Variants in GPHN observed in about 807,000 individuals in gnomAD.
GPHN encodes gephyrin.
Under a neutral mutation model 95.5 loss-of-function variants are expected in GPHN, and 17 were observed. The ratio of observed to expected loss-of-function variants is 0.18; its 90% CI spans 0.12 to 0.27. GPHN has a LOEUF of 0.27. Ranked by LOEUF, GPHN falls within the 10% of genes least tolerant of loss-of-function variation. The pLI is 1.00. For synonymous variants in GPHN, 320 were observed against 322.5 expected, an observed-to-expected ratio of 0.99 and a Z score of 0.08; for missense variants, 660 against 978.1, an observed-to-expected ratio of 0.67 and a Z score of 4.34.
chr14:67,500,447 T>A, the GPHN span, among the ~76,000 whole-genome samples: 8 of 152,030 alleles, frequency 5.3e-5, no homozygotes, highest in African/African-American at 1.9e-4. Flanking sequence ...TGCACTCCAA[T>A]CAGGGCAACA....
intron 1 of GPHN, among the ~76,000 whole-genome samples, chr14:66,530,843 C>A (rs1000109889): frequency 6.6e-6 from 1 of 152,068 alleles, no homozygotes; most frequent in African/African-American, 2.4e-5. Context: ...TGGAAACACA[C>A]AAATCACCTG....
intron 5 of GPHN, among the ~76,000 whole-genome samples, chr14:66,906,871 G>A (rs1225092320): frequency 3.3e-5 from 5 of 152,032 alleles, no homozygotes; most frequent in African/African-American, 4.8e-5. Context: ...AATTTGTTTA[G>A]GTTTATTTTT....
At chr14:66,783,733 A>C (rs956894343) in intron 3 of GPHN, among the ~76,000 whole-genome samples, 5 of 152,146 alleles carry the variant, frequency 3.3e-5, no homozygotes, top group Non-Finnish European at 2.9e-5. Flanking sequence ...GGTAATGTCA[A>C]CTTTCACCAG....
chr14:66,652,658 G>A (rs187858022), intron 1 of GPHN, among the ~76,000 whole-genome samples: 2 of 152,118 alleles, frequency 1.3e-5, no homozygotes, highest in East Asian at 3.9e-4. Context: ...ATCCTTTATA[G>A]TGTAACATTC....
intron 8 of GPHN, among the ~76,000 whole-genome samples, chr14:66,930,139 A>G (rs570652835): frequency 2.6e-5 from 4 of 152,158 alleles, no homozygotes; most frequent in African/African-American, 7.2e-5. Flanking sequence ...ATTCAGTGTT[A>G]TTATTGATAA....
At chr14:67,359,526 CAAGAA>C in the GPHN span, 1 of 1,034,404 alleles carries the variant, frequency 9.7e-7, no homozygotes, top group Non-Finnish European at 1.4e-6. Flanking sequence ...GCCCTAGACT[CAAGAA>C]AAGAACCTGG....
the GPHN span, chr14:67,587,722 A>AT: frequency 6.1e-6 from 1 of 164,538 alleles, no homozygotes; most frequent in Admixed American, 6.0e-5. Flanking sequence ...TAATTTTTGT[A>AT]TTTTTAGTAG....
At chr14:67,036,476 GA>G (rs1387982390) in intron 10 of GPHN, among the ~76,000 whole-genome samples, 1 of 125,150 alleles carries the variant, frequency 8.0e-6, no homozygotes, top group Non-Finnish European at 1.6e-5. Context: ...AGAAAACTCT[GA>G]AAATTCCACT....
chr14:66,571,405 T>C (rs1160595062), intron 1 of GPHN, among the ~76,000 whole-genome samples: 1 of 152,144 alleles, frequency 6.6e-6, no homozygotes, highest in Non-Finnish European at 1.5e-5. Flanking sequence ...CATTATCATA[T>C]GGTTTGCAAT....
chr14:67,440,479 G>A, the GPHN span, among the ~76,000 whole-genome samples: 2 of 151,978 alleles, frequency 1.3e-5, no homozygotes, highest in African/African-American at 2.4e-5. Context: ...AAGCCACTCC[G>A]GACTGGGCGC....
chr14:66,833,298 A>C (rs908967114), intron 4 of GPHN, among the ~76,000 whole-genome samples: 3 of 152,160 alleles, frequency 2.0e-5, no homozygotes, highest in African/African-American at 4.8e-5. Flanking sequence ...GCCCCTTATA[A>C]AAACATCAGA....
chr14:67,154,651 T>C (rs1440558830), intron 18 of GPHN, among the ~76,000 whole-genome samples: 3 of 151,970 alleles, frequency 2.0e-5, no homozygotes, highest in African/African-American at 7.2e-5. Flanking sequence ...TTTCCTGTTC[T>C]CAAGAACTTT....
intron 9 of GPHN, among the ~76,000 whole-genome samples, chr14:66,974,622 T>G (rs1357992556): frequency 1.3e-5 from 2 of 152,152 alleles, no homozygotes; most frequent in African/African-American, 4.8e-5. Context: ...GTATAGTTTC[T>G]GTATAGTTTC....
chr14:67,395,653 C>T, the GPHN span: 27 of 1,369,694 alleles, frequency 2.0e-5, no homozygotes, highest in Admixed American at 5.5e-5. Context: ...GCAAAAATGA[C>T]GGGGCCCCGG....
chr14:66,972,065 C>T (rs1401179460), intron 9 of GPHN, among the ~76,000 whole-genome samples: 1 of 151,452 alleles, frequency 6.6e-6, no homozygotes, highest in Non-Finnish European at 1.5e-5. Flanking sequence ...GTCAGGAGTT[C>T]GAGACCAGCC....
chr14:66,598,797 C>T (rs958226684), intron 1 of GPHN, among the ~76,000 whole-genome samples: 2 of 150,862 alleles, frequency 1.3e-5, no homozygotes, highest in Non-Finnish European at 2.9e-5. Context: ...GAGATCAGCG[C>T]CACTGCACTC....
intron 3 of GPHN, among the ~76,000 whole-genome samples, chr14:66,793,069 A>T (rs1448876462): frequency 6.6e-6 from 1 of 152,256 alleles, no homozygotes; most frequent in Non-Finnish European, 1.5e-5. Context: ...TCATTCCCGT[A>T]AACCCACAAC....
chr14:67,405,427 A>T, the GPHN span, among the ~76,000 whole-genome samples: 1 of 152,084 alleles, frequency 6.6e-6, no homozygotes, highest in African/African-American at 2.4e-5. Flanking sequence ...ATAATATGGC[A>T]CCAAGGCAAA....
chr14:67,045,489 GTGTCTGTCTTTGTCTTTCTC>G, intron 10 of GPHN, among the ~76,000 whole-genome samples: 1 of 147,242 alleles, frequency 6.8e-6, no homozygotes, highest in South Asian at 2.2e-4. Flanking sequence ...CTCTCTGTGT[GTGTCTGTCTTTGTCTTTCTC>G]TGTCTGTCTC....
Sources: gnomAD v4.1 joint callset for allele counts (sites outside exome capture counted in the v4.1 genomes callset) on GRCh38, gnomAD v4.1.1 for gene constraint, MANE v1.5 for transcripts, NCBI Gene and HGNC (gene_info 2026-07-23, HGNC 2026-07-21) for gene names.